The following DLG2 variants were observed in gnomAD, a reference collection of about 807,000 sequenced individuals.
DLG2 encodes the protein disks large homolog 2.
In DLG2, 45 loss-of-function variants were observed where a neutral mutation model predicts 132.5. The observed-to-expected ratio is 0.34, with a 90% CI of 0.27 to 0.44. The LOEUF (loss-of-function observed/expected upper bound fraction) is 0.44. Ranked by LOEUF, DLG2 falls within the 20% of genes least tolerant of loss-of-function variation. The pLI is 1.00. For synonymous variants in DLG2, 424 were observed against 419.6 expected (o/e 1.01, Z -0.13); for missense variants, 1,045 against 1,196.9 (o/e 0.87, Z 1.87).
chr11:85,246,362 C>G (rs2076134792), intron 4 of DLG2, among the ~76,000 whole-genome samples: 1 of 151,930 alleles, frequency 6.6e-6, no homozygotes, highest in South Asian at 2.1e-4. Context: ...GAAAACAGGT[C>G]AGTAAGGTCA....
chr11:83,479,991 G>C (rs192294260), intron 22 of DLG2, among the ~76,000 whole-genome samples: 2 of 152,124 alleles, frequency 1.3e-5, no homozygotes, highest in Admixed American at 1.3e-4. Flanking sequence ...GGCAAAATAA[G>C]AAGGAAAACA....
chr11:83,773,709 C>T (rs769453914), intron 18 of DLG2, among the ~76,000 whole-genome samples: 14 of 152,118 alleles, frequency 9.2e-5, no homozygotes, highest in Non-Finnish European at 1.9e-4. Flanking sequence ...ACCCATAGTT[C>T]GAAGAGAAAC....
At chr11:83,817,168 A>C (rs377594089) in intron 17 of DLG2, among the ~76,000 whole-genome samples, 1 of 152,202 alleles carries the variant, frequency 6.6e-6, no homozygotes, top group African/African-American at 2.4e-5. Context: ...CATGTCTTTA[A>C]AAATTAACAT....
At chr11:84,275,956 C>T (rs1375533197) in intron 7 of DLG2, among the ~76,000 whole-genome samples, 1 of 152,044 alleles carries the variant, frequency 6.6e-6, no homozygotes, top group African/African-American at 2.4e-5. Context: ...AGGAAAGGTA[C>T]AGCAAAGGCA....
chr11:83,543,690 T>C (rs772587492), intron 19 of DLG2, among the ~76,000 whole-genome samples: 2 of 152,178 alleles, frequency 1.3e-5, no homozygotes, highest in Admixed American at 6.6e-5. Context: ...CATGTACAAA[T>C]GGACCTGGCA....
chr11:85,348,521 C>G (rs1053240635), intron 3 of DLG2, among the ~76,000 whole-genome samples: 3 of 152,114 alleles, frequency 2.0e-5, no homozygotes, highest in African/African-American at 7.2e-5. Flanking sequence ...CCATGCCTAA[C>G]ATAAGAAGCA....
chr11:84,580,088 G>C (rs1488169066), intron 6 of DLG2, among the ~76,000 whole-genome samples: 2 of 152,110 alleles, frequency 1.3e-5, no homozygotes, highest in Non-Finnish European at 2.9e-5. Flanking sequence ...AGAAATCAGG[G>C]GGAGGAACTG....
At chr11:84,188,609 A>G (rs1487480066) in intron 8 of DLG2, among the ~76,000 whole-genome samples, 1 of 152,126 alleles carries the variant, frequency 6.6e-6, no homozygotes, top group Non-Finnish European at 1.5e-5. Context: ...CCACTGAGCT[A>G]ATATTGGAGT....
At chr11:83,608,738 A>C (rs983893980) in intron 19 of DLG2, among the ~76,000 whole-genome samples, 2 of 151,228 alleles carry the variant, frequency 1.3e-5, no homozygotes, top group Non-Finnish European at 2.9e-5. Flanking sequence ...ACACACAGAG[A>C]GAGAGAGAGA....
intron 3 of DLG2, 87 bp from the exon 4 acceptor site, chr11:85,285,452 A>AT: frequency 7.7e-7 from 1 of 1,292,786 alleles, no homozygotes; most frequent in Non-Finnish European, 1.1e-6. Context: ...ATAGACATAC[A>AT]GAAATTTTGC....
At chr11:85,446,842 T>C (rs927124770) in intron 3 of DLG2, among the ~76,000 whole-genome samples, 1 of 151,902 alleles carries the variant, frequency 6.6e-6, no homozygotes, top group South Asian at 2.1e-4. Flanking sequence ...TATTGATATA[T>C]AATATTTTAA....
In DLG2 at chr11:85,602,029, C is replaced by A. The variant is rs1042037448; in HGVS notation, c.-92-3241G>T. Among the ~76,000 whole-genome samples, 6 of 152,312 alleles carry A rather than the reference C, an allele frequency of 3.9e-5. No homozygotes were observed. The East Asian group carries it at 1.2e-3, about 29-fold the overall frequency. ...CCAGACTCATATCCAGCTGAATGCT[C>A]AACATTTCCATTTGGATGTCTAATA... is the stretch of plus-strand genomic sequence containing the variant. On this transcript the variant is annotated intron_variant, in intron 2 of 27. Coordinates refer to ENST00000376104, the MANE Select transcript of DLG2 (RefSeq NM_001142699.3).
intron 22 of DLG2, among the ~76,000 whole-genome samples, chr11:83,482,712 ATGGAATCTCC>A (rs904472689): frequency 1.1e-4 from 16 of 152,120 alleles, no homozygotes; most frequent in African/African-American, 3.9e-4. Flanking sequence ...ATAAATACTC[ATGGAATCTCC>A]AGTAGCTTAA....
chr11:85,446,965 C>G (rs1163197852), intron 3 of DLG2, among the ~76,000 whole-genome samples: 1 of 151,950 alleles, frequency 6.6e-6, no homozygotes, highest in East Asian at 1.9e-4. Flanking sequence ...TCTAATGAAT[C>G]ACGGCAATTT....
chr11:84,268,704 G>A (rs1253384556), intron 7 of DLG2, among the ~76,000 whole-genome samples: 4 of 151,520 alleles, frequency 2.6e-5, no homozygotes, highest in East Asian at 3.9e-4. Context: ...CTCGTGATCC[G>A]CCCGCCTCAG....
intron 18 of DLG2, among the ~76,000 whole-genome samples, chr11:83,723,688 C>G (rs2089294958): frequency 1.3e-5 from 2 of 152,078 alleles, no homozygotes; most frequent in African/African-American, 4.8e-5. Context: ...AACTCTGTCT[C>G]TACCAAAAAA....
chr11:85,400,437 T>C (rs1039542202), intron 3 of DLG2, among the ~76,000 whole-genome samples: 42 of 146,744 alleles, frequency 2.9e-4, no homozygotes, highest in Non-Finnish European at 4.9e-4. Flanking sequence ...ACTGGGTATA[T>C]ACCCAAAGGA....
intron 11 of DLG2, among the ~76,000 whole-genome samples, chr11:83,981,855 T>C (rs185577493): frequency 9.4e-4 from 143 of 152,354 alleles, no homozygotes; most frequent in African/African-American, 3.4e-3. Context: ...CTATGGCTTA[T>C]ACAATCTTAA....
At chr11:84,172,615 T>C (rs998284330) in intron 8 of DLG2, among the ~76,000 whole-genome samples, 6 of 152,028 alleles carry the variant, frequency 3.9e-5, no homozygotes, top group African/African-American at 1.4e-4. Context: ...CAATCTCGGC[T>C]CACTGCAACC....
Sources: gnomAD v4.1 joint callset for allele counts (sites outside exome capture counted in the v4.1 genomes callset) on GRCh38, gnomAD v4.1.1 for gene constraint, MANE v1.5 for transcripts, NCBI Gene and HGNC (gene_info 2026-07-23, HGNC 2026-07-21) for gene names.